MAN2A1: variants seen among roughly 807,000 people sequenced by gnomAD.
MAN2A1 encodes the protein alpha-mannosidase 2.
A neutral mutation model predicts 142.6 loss-of-function variants in MAN2A1; 76 were observed. That is an observed-to-expected ratio of 0.53 (90% CI 0.44 to 0.65). The LOEUF is 0.65. MAN2A1 is among the 30% of genes least tolerant of loss of function. MAN2A1 has a pLI of 0.00. For missense variants in MAN2A1, 1,311 were observed against 1,365.1 expected (o/e 0.96, Z 0.62); for synonymous variants, 559 against 473.2 (o/e 1.18, Z -2.35).
chr5:109,749,674 C>T (rs894616955), intron 4 of MAN2A1, among the ~76,000 whole-genome samples: 4 of 151,964 alleles, frequency 2.6e-5, no homozygotes, highest in African/African-American at 9.7e-5. Context: ...CAGAGAATGT[C>T]TTGGTAGAAA....
chr5:109,766,566 G>A lies in MAN2A1; in HGVS notation c.836-969G>A, dbSNP rs547402985. ...TCTAGTTCTCTTTGTTGTCTTGTGTGTTACTTTGTGTTACACTTATTTGAA... is the reference window on the plus strand; with the variant it reads ...TCTAGTTCTCTTTGTTGTCTTGTGTATTACTTTGTGTTACACTTATTTGAA... On this transcript the variant is annotated intron_variant, in intron 5 of 21. Transcript: ENST00000261483. 8.5e-5 allele frequency among the ~76,000 whole-genome samples: 13 copies of A among 152,058 alleles called. No homozygotes were observed. In the South Asian group the frequency reaches 2.7e-3, roughly 32 times the overall value.
At chr5:109,726,261 A>G (rs1298101636) in intron 3 of MAN2A1, among the ~76,000 whole-genome samples, 2 of 152,284 alleles carry the variant, frequency 1.3e-5, no homozygotes, top group Non-Finnish European at 2.9e-5. Context: ...AAAATACTAT[A>G]TTTCTGGTTG....
intron 12 of MAN2A1, among the ~76,000 whole-genome samples, chr5:109,800,081 G>C (rs1200797919): frequency 3.8e-5 from 4 of 104,074 alleles, no homozygotes; most frequent in African/African-American, 9.1e-5. Flanking sequence ...GAGTGAGACT[G>C]TTGTCTCAAA....
intron 8 of MAN2A1, among the ~76,000 whole-genome samples, chr5:109,778,229 AG>A (rs1369762469): frequency 2.6e-5 from 4 of 152,072 alleles, no homozygotes; most frequent in Admixed American, 2.0e-4. Flanking sequence ...TTTGCATTTT[AG>A]CCTTGTATCC....
At chr5:109,763,472 G>T (rs2112639835) in intron 5 of MAN2A1, among the ~76,000 whole-genome samples, 1 of 149,852 alleles carries the variant, frequency 6.7e-6, no homozygotes, top group East Asian at 2.0e-4. Flanking sequence ...TAGTGTCCTT[G>T]GTTTTGTTTT....
Position 109,847,788 on chromosome 5 carries a change from A to G in MAN2A1, c.2974A>G (p.Thr992Ala). The G allele has an allele frequency of 6.5e-7, 1 of 1,544,648 alleles. No individual in the cohort carries two copies. Among genetic ancestry groups the G allele is most frequent in the Non-Finnish European group, 8.7e-7 (1 of 1,145,834 alleles). ...ILLEKRSAVNTEEEKKSVSYP... is the reference protein window; with the variant it reads ...ILLEKRSAVNAEEEKKSVSYP... ...ACTAGAAAAAAGAAGTGCTGTTAAT[A>G]CGGTATGAAAAAATAACTAGCATGA... Residue 992 changes from threonine (T) to alanine (A), a missense_variant and splice_region_variant, in exon 19 of 22, where the codon ACG becomes GCG. Thr to Ala is a moderately conservative substitution (Grantham distance 58, BLOSUM62 0). Around this residue, in one of 3 missense-constraint regions of MAN2A1, gnomAD observed 890 missense variants for 920.5 expected, o/e 0.97. Transcript: ENST00000261483.
At chr5:109,693,378 G>T (rs1374300384) in intron 1 of MAN2A1, among the ~76,000 whole-genome samples, 1 of 150,946 alleles carries the variant, frequency 6.6e-6, no homozygotes, top group Non-Finnish European at 1.5e-5. Flanking sequence ...GAATTCTTGA[G>T]TTTTAGTAGA....
At chr5:109,734,349 G>GT (rs1220684268) in intron 4 of MAN2A1, among the ~76,000 whole-genome samples, 2 of 148,370 alleles carry the variant, frequency 1.3e-5, no homozygotes, top group Admixed American at 6.8e-5. Context: ...TTTTTGAAGA[G>GT]TTTTTTGTGT....
At chr5:109,848,092 C>G (rs1181682584) in intron 19 of MAN2A1, among the ~76,000 whole-genome samples, 1 of 152,000 alleles carries the variant, frequency 6.6e-6, no homozygotes, top group East Asian at 1.9e-4. Context: ...AAAAATTGAG[C>G]TAAATAAAAG....
rs1340692809 is a variant in MAN2A1, at chr5:109,752,516, G to T, written c.708-2813G>T. On this transcript the variant is annotated intron_variant, in intron 4 of 21. Coordinates refer to ENST00000261483, the MANE Select transcript of MAN2A1 (RefSeq NM_002372.4). ...GCTTACATTCTAATGGTGGGTAGAG[G>T]TCGGGAGGGAAAGAGTGGAGATCTG... Among the ~76,000 whole-genome samples the T allele has an allele frequency of 2.6e-5, 4 of 152,164 alleles. No homozygotes were observed. The East Asian group carries it at 7.7e-4, about 29-fold the overall frequency.
intron 16 of MAN2A1, among the ~76,000 whole-genome samples, chr5:109,824,965 T>G (rs1336354976): frequency 6.6e-6 from 1 of 152,220 alleles, no homozygotes; most frequent in Non-Finnish European, 1.5e-5. Context: ...AACCCATGAT[T>G]CATAGGATGA....
intron 1 of MAN2A1, among the ~76,000 whole-genome samples, chr5:109,695,092 C>G (rs540763741): frequency 1.3e-5 from 2 of 152,340 alleles, no homozygotes; most frequent in African/African-American, 4.8e-5. Context: ...CCTCTTCAGT[C>G]CAACAGCCCT....
At chr5:109,832,224 G>T (rs1260689086) in intron 16 of MAN2A1, among the ~76,000 whole-genome samples, 58 of 147,142 alleles carry the variant, frequency 3.9e-4, no homozygotes, top group Non-Finnish European at 7.5e-4. Flanking sequence ...TCTCGGAGAG[G>T]GGGATTTGGC....
chr5:109,763,984 A>T (rs1429567485), intron 5 of MAN2A1, among the ~76,000 whole-genome samples: 1 of 151,968 alleles, frequency 6.6e-6, no homozygotes, highest in East Asian at 1.9e-4. Flanking sequence ...TGTTTTTAAT[A>T]GAGACAGGGT....
intron 17 of MAN2A1, among the ~76,000 whole-genome samples, chr5:109,843,575 T>C (rs1755269371): frequency 6.6e-6 from 1 of 152,168 alleles, no homozygotes; most frequent in Non-Finnish European, 1.5e-5. Context: ...GGAAAACTCT[T>C]CCTCTATATG....
chr5:109,845,948 C>T lies in MAN2A1; in HGVS notation c.2784C>T (p.Ala928=). The change falls in exon 18 of 22, where the codon GCC becomes GCT. Residue 928 remains alanine, a synonymous_variant. Transcript: ENST00000261483. ...CCACAATGGCCTATATCCAGGATGC[C>T]AAACATCGTTTGACACTGCTCTCTG... ...PMTTMAYIQD[A]KHRLTLLSAQ... 6.2e-7 allele frequency: 1 copy of T among 1,613,726 alleles called. No individual in the cohort carries two copies.
intron 17 of MAN2A1, among the ~76,000 whole-genome samples, chr5:109,843,843 A>G (rs1331765447): frequency 6.6e-6 from 1 of 152,190 alleles, no homozygotes; most frequent in East Asian, 1.9e-4. Flanking sequence ...CATTAAAACC[A>G]TGAGCATGTT....
chr5:109,751,320 T>C (rs896067690), intron 4 of MAN2A1, among the ~76,000 whole-genome samples: 3 of 152,230 alleles, frequency 2.0e-5, no homozygotes, highest in Non-Finnish European at 2.9e-5. Flanking sequence ...TTGCTACAAA[T>C]GATATGATTT....
chr5:109,783,787 GA>G (rs997443368), intron 9 of MAN2A1, among the ~76,000 whole-genome samples: 14 of 148,682 alleles, frequency 9.4e-5, no homozygotes, highest in Non-Finnish European at 2.1e-4. Context: ...ATCCTCTGAT[GA>G]AAAAACATAA....
Sources: allele counts gnomAD v4.1 joint callset (sites outside exome capture counted in the v4.1 genomes callset), GRCh38; gene constraint gnomAD v4.1.1; regional missense constraint gnomAD v4.1.1; transcripts MANE v1.5; gene names NCBI Gene and HGNC (gene_info 2026-07-23, HGNC 2026-07-21).